Variants in KRT34 observed in about 807,000 individuals in gnomAD.
KRT34 encodes the protein keratin, type I cuticular Ha4.
A neutral mutation model predicts 41.7 loss-of-function variants in KRT34; 31 were observed. The observed-to-expected ratio is 0.74, with a 90% confidence interval of 0.56 to 1.00. The LOEUF is 1.00. Ranked by LOEUF, KRT34 falls within the 50% of genes least tolerant of loss-of-function variation. The probability of loss-of-function intolerance (pLI) is 0.00; values close to 1 mark genes in which losing one functional copy is unlikely to be tolerated. For missense variants in KRT34, 523 were observed against 500.3 expected (o/e 1.05, Z -0.43); for synonymous variants, 224 against 212.9 (o/e 1.05, Z -0.45).
At position 41,381,782 on chromosome 17, in the gene KRT34, T is replaced by G. The variant is rs2017990895; in HGVS notation, c.362A>C (p.Lys121Thr). The change falls in exon 2 of 7, where the codon AAG becomes ACG. Residue 121 changes from lysine to threonine, a missense_variant. Coordinates refer to ENST00000394001, the MANE Select transcript of KRT34 (RefSeq NM_001386014.1). ...EELQQKILCA[K>T]AENARLVVNI... ...CACCACCAGCCTGGCATTCTCAGCC[T>G]TGGCACACAGAATCTGAAAAGAAAT... 3.1e-6 allele frequency: 5 copies of G among 1,614,240 alleles called. No individual in the cohort carries two copies. Among genetic ancestry groups the G allele is most frequent in the Non-Finnish European group, 4.2e-6 (5 of 1,180,036 alleles).
chr17:41,381,112 A>G lies in KRT34; in HGVS notation c.532T>C (p.Ser178Pro), dbSNP rs1007915112. ...TCCTCCCTCAGGGACTCCACCTGGG[A>G]CTCCAGGTCAGACTTGCAGAGGGTC... ...ELTLCKSDLE[S>P]QVESLREELI... is the part of the protein sequence containing the mutation. Residue 178 changes from serine to proline, a missense_variant, in exon 3 of 7, where the codon TCC (serine) becomes CCC (proline). Physicochemically the swap from Ser to Pro is moderately conservative, Grantham distance 74. Coordinates refer to ENST00000394001, the MANE Select transcript of KRT34 (RefSeq NM_001386014.1). 3.0e-5 allele frequency: 49 copies of G among 1,613,186 alleles called. No individual in the cohort carries two copies.
intron 3 of KRT34, among the ~76,000 whole-genome samples, 153 bp downstream of exon 3, chr17:41,380,903 T>A (rs2017966086): frequency 6.6e-6 from 1 of 152,122 alleles, no homozygotes; most frequent in Non-Finnish European, 1.5e-5. Flanking sequence ...CTCACTCCAC[T>A]CCTTGATATG....
rs945935945 is a variant in KRT34 at position 41,378,239 on chromosome 17, T to C, written c.1098-93A>G. The C allele has an allele frequency of 1.0e-4, 82 of 820,910 alleles. No homozygotes were observed. The African/African-American group carries it at 1.2e-3, about 12-fold the overall frequency. 50.9% of individuals were successfully genotyped at this position (820,910 alleles called of 1,614,324 possible). A position where few individuals can be genotyped will look rare whatever the true frequency, so the allele number is the denominator to read the frequency against. ...AATGACACAACCTATGAATTCTCAGTGGCTGGAGTTAGTTGGAATCAAGTT... is the reference window on the plus strand; with the variant it reads ...AATGACACAACCTATGAATTCTCAGCGGCTGGAGTTAGTTGGAATCAAGTT... On this transcript the variant is annotated intron_variant, in intron 6 of 6. Coordinates refer to ENST00000394001, the MANE Select transcript of KRT34 (RefSeq NM_001386014.1).
At chr17:41,378,825 C>A in intron 6 of KRT34, 131 bp downstream of exon 6, 1 of 1,317,628 alleles carries the variant, frequency 7.6e-7, no homozygotes, top group African/African-American at 1.4e-5. Flanking sequence ...GCTTAGCTAT[C>A]ACAGATCACT....
intron 2 of KRT34, 93 bp downstream of exon 2, chr17:41,381,620 G>C: frequency 9.0e-7 from 1 of 1,115,636 alleles, no homozygotes; most frequent in South Asian, 1.4e-5. Flanking sequence ...CCTAGGAGGA[G>C]AAATAGAGAG....
upstream of KRT34, among the ~76,000 whole-genome samples, chr17:41,382,574 G>A (rs1463380710): frequency 6.6e-6 from 1 of 152,190 alleles, no homozygotes; most frequent in South Asian, 2.1e-4. Flanking sequence ...CCAAAAGGCT[G>A]TCTGCATTAC....
At position 41,377,786 on chromosome 17, in the gene KRT34, A is replaced by G. The variant is rs191366809; in HGVS notation, c.*273T>C. 2.1e-5 allele frequency: 9 copies of G among 436,082 alleles called. No homozygotes were observed. Among genetic ancestry groups the G allele is most frequent in the East Asian group, 1.9e-4 (6 of 31,298 alleles). The allele number at this position is 436,082 out of a possible 1,614,324, so 27.0% of individuals were successfully genotyped here. A position where few individuals can be genotyped will look rare whatever the true frequency, so the allele number is the denominator to read the frequency against. ...CAGTAGTACGTTCAGGAAACACCTT[A>G]AGTAGTAACTGGAGCTCAGATTACA... On this transcript the variant is annotated 3_prime_UTR_variant, in exon 7 of 7. Transcript: ENST00000394001.
At chr17:41,378,261 A>G (rs912316186) in intron 6 of KRT34, 115 bp from the exon 7 acceptor site, 1 of 751,454 alleles carries the variant, frequency 1.3e-6, no homozygotes, top group East Asian at 2.5e-5. Flanking sequence ...GTTGGAATCA[A>G]GTTCTTTTTG....
At chr17:41,381,450 G>A (rs113868555) in intron 2 of KRT34, among the ~76,000 whole-genome samples, 101 of 152,266 alleles carry the variant, frequency 6.6e-4, no homozygotes, top group African/African-American at 2.3e-3. Flanking sequence ...TCTCGGTTTT[G>A]TTAGCTAATA....
Position 41,380,064 on chromosome 17 carries a change from TC to T in KRT34, c.589-334del, listed in dbSNP as rs538645164. On this transcript the variant is annotated intron_variant, in intron 3 of 6. Coordinates refer to ENST00000394001, the MANE Select transcript of KRT34 (RefSeq NM_001386014.1). The stretch of plus-strand genomic sequence containing the variant: ...TCACGAAGTCAGGAGATCGAAACCA[TC>T]CTAGCCAACATGGTGAAACCCCATC... Among the ~76,000 whole-genome samples, 18 of 152,080 alleles carry T rather than the reference TC, an allele frequency of 1.2e-4. No individual in the cohort carries two copies. In the South Asian group the frequency reaches 3.7e-3, roughly 32 times the overall value.
At chr17:41,380,865 C>T (rs769190480) in intron 3 of KRT34, among the ~76,000 whole-genome samples, 191 bp downstream of exon 3, 23 of 152,122 alleles carry the variant, frequency 1.5e-4, no homozygotes, top group African/African-American at 3.4e-4. Context: ...CCTGCCTAAC[C>T]CTCACCCAGC....
At position 41,379,093 on chromosome 17, in the gene KRT34, G is replaced by A. The variant is rs756379610; in HGVS notation, c.960C>T (p.Asn320=). 1.1e-5 allele frequency: 18 copies of A among 1,614,218 alleles called. No individual in the cohort carries two copies. The highest frequency in any genetic ancestry group is 5.0e-5 in the Admixed American group (3 of 60,018). The change falls in exon 6 of 7, where the codon AAC becomes AAT. Residue 320 remains asparagine, a synonymous_variant. Coordinates refer to ENST00000394001, the MANE Select transcript of KRT34 (RefSeq NM_001386014.1). The stretch of plus-strand genomic sequence containing the variant: ...GGATCTCTGCCAGCTGAGACTCCAC[G>A]TTGGTGATCAGGCTCTGCACCTGGG... ...QLSQVQSLIT[N]VESQLAEIRC...
chr17:41,379,831 A>G (rs1250273301), intron 3 of KRT34, 100 bp from the exon 4 acceptor site: 1 of 1,262,622 alleles, frequency 7.9e-7, no homozygotes, highest in Non-Finnish European at 1.1e-6. Flanking sequence ...CACTAAAAGG[A>G]ATATTCTGAT....
intron 2 of KRT34, among the ~76,000 whole-genome samples, chr17:41,381,432 C>T (rs1475624699): frequency 6.6e-6 from 1 of 152,196 alleles, no homozygotes; most frequent in Non-Finnish European, 1.5e-5. Flanking sequence ...TGAAGTCTCT[C>T]ACTGTGTTCT....
At chr17:41,379,894 C>T (rs1358994693) in intron 3 of KRT34, among the ~76,000 whole-genome samples, 163 bp from the exon 4 acceptor site, 1 of 151,642 alleles carries the variant, frequency 6.6e-6, no homozygotes, top group Non-Finnish European at 1.5e-5. Context: ...CAACAGGGAT[C>T]ACATCAATTG....
Position 41,378,075 on chromosome 17 carries a change from T to C in KRT34, c.1169A>G (p.Lys390Arg). ...ACAAGCTTTTCAATTACAGCAACCC[T>C]TTTGAGAGGTGCCACAGGGTCCACA... The part of the protein sequence containing the change: ...NSCGPCGTSQ[K>R]GCCN Residue 390 changes from lysine (K) to arginine (R), a missense_variant, in exon 7 of 7, where the codon AAG (lysine) becomes AGG (arginine). By Grantham distance (26) the Lys-to-Arg change is conservative. Transcript: ENST00000394001. 6.2e-7 allele frequency: 1 copy of C among 1,612,772 alleles called. No individual in the cohort carries two copies. The highest frequency in any genetic ancestry group is 8.5e-7 in the Non-Finnish European group (1 of 1,178,836).
In KRT34 at chr17:41,381,134, G is replaced by A. The variant is rs775288505; in HGVS notation, c.510C>T (p.Thr170=). 1.9e-6 allele frequency: 3 copies of A among 1,614,066 alleles called. No individual in the cohort carries two copies. Among genetic ancestry groups the A allele is most frequent in the African/African-American group, 1.3e-5 (1 of 75,022 alleles). ...GGGACTCCAGGTCAGACTTGCAGAG[G>A]GTCAGCTCATCCAGGATCCTGCGTA... The part of the protein sequence containing the change: ...NSIRRILDEL[T]LCKSDLESQV... The change falls in exon 3 of 7, where the codon ACC becomes ACT. Residue 170 remains threonine (T), a synonymous_variant. Transcript: ENST00000394001.
chr17:41,382,297 G>A lies in KRT34; in HGVS notation c.-51C>T, dbSNP rs1173369657. On this transcript the variant is annotated 5_prime_UTR_variant, in exon 1 of 7. Transcript: ENST00000394001. ...CAGGTAAGCTGCTGGAGGTGGATGT[G>A]GGCAGGTTTGAGTCTCTCCTTCCTC... 6.2e-7 allele frequency: 1 copy of A among 1,613,310 alleles called. No individual in the cohort carries two copies. The highest frequency in any genetic ancestry group is 1.1e-5 in the South Asian group (1 of 91,032).
At position 41,381,206 on chromosome 17, in the gene KRT34, C is replaced by G. The variant is rs1166392440; in HGVS notation, c.438G>C (p.Gln146His). The G allele has an allele frequency of 6.2e-7, 1 of 1,613,860 alleles. No individual in the cohort carries two copies. Among genetic ancestry groups the G allele is most frequent in the Admixed American group, 1.7e-5 (1 of 59,980 alleles). The change falls in exon 3 of 7, where the codon CAG (glutamine) becomes CAC (histidine). Residue 146 changes from glutamine (Q) to histidine (H), a missense_variant. Transcript: ENST00000394001. ...LASDDFRSKY[Q>H]TEQSLRLLVE... ...CCAACAGCCTCAGGGACTGCTCCGT[C>G]TGGTACCTGCACGTGTCGGAGTGGG...
Sources: allele counts gnomAD v4.1 joint callset (sites outside exome capture counted in the v4.1 genomes callset), GRCh38; gene constraint gnomAD v4.1.1; transcripts MANE v1.5; gene names NCBI Gene and HGNC (gene_info 2026-07-23, HGNC 2026-07-21).